The following RIT2 variants were observed in gnomAD, a reference collection of about 807,000 sequenced individuals.
RIT2 encodes GTP-binding protein Rit2.
Under a neutral mutation model 23.7 loss-of-function variants are expected in RIT2, and 24 were observed. That is an observed-to-expected ratio of 1.01 (90% confidence interval 0.73 to 1.43). The LOEUF (loss-of-function observed/expected upper bound fraction) is 1.43, where lower values mean the gene tolerates loss of function less well. Among genes scored for constraint, RIT2 ranks in the 40% most tolerant of loss-of-function variants. RIT2 has a pLI of 0.00. For synonymous variants in RIT2, 107 were observed against 91.1 expected, an observed-to-expected ratio of 1.17 and a Z score of -0.99; for missense variants, 236 against 266.9, an observed-to-expected ratio of 0.88 and a Z score of 0.81.
At chr18:42,788,746 C>T (rs1913976474) in intron 4 of RIT2, among the ~76,000 whole-genome samples, 1 of 152,052 alleles carries the variant, frequency 6.6e-6, no homozygotes, top group Non-Finnish European at 1.5e-5. Context: ...TAATTCATTC[C>T]TTTCTGAGGC....
At chr18:42,910,879 T>C (rs1490613399) in intron 4 of RIT2, among the ~76,000 whole-genome samples, 1 of 152,172 alleles carries the variant, frequency 6.6e-6, no homozygotes, top group Non-Finnish European at 1.5e-5. Context: ...TTCAAAATCC[T>C]ATTTTTAACA....
At chr18:42,996,269 T>G (rs947724493) in intron 2 of RIT2, among the ~76,000 whole-genome samples, 4 of 152,108 alleles carry the variant, frequency 2.6e-5, no homozygotes, top group African/African-American at 9.7e-5. Flanking sequence ...ACGCTGCCCC[T>G]AATCCCGCTC....
At chr18:42,780,417 A>T (rs1343059095) in intron 4 of RIT2, among the ~76,000 whole-genome samples, 2 of 152,056 alleles carry the variant, frequency 1.3e-5, no homozygotes, top group East Asian at 3.9e-4. Context: ...GGCACCTCCA[A>T]GTAGCAGGCT....
intron 1 of RIT2, among the ~76,000 whole-genome samples, chr18:43,076,079 C>CT (rs1324637257): frequency 6.6e-6 from 1 of 152,152 alleles, no homozygotes; most frequent in Non-Finnish European, 1.5e-5. Context: ...AGACAGGTTC[C>CT]TTTTTGTGAT....
intron 4 of RIT2, chr18:42,920,651 C>T (rs1568030450): frequency 1.5e-6 from 2 of 1,343,976 alleles, no homozygotes; most frequent in Non-Finnish European, 2.1e-6. Context: ...AGAAAGGGCC[C>T]TGGGATTTCC....
Position 43,115,655 on chromosome 18 carries a change from G to T in RIT2, c.-136C>A, listed in dbSNP as rs77169968. 0.047 allele frequency: 60,081 copies of T among 1,289,948 alleles called. 1,588 individuals carry two copies. Among genetic ancestry groups the T allele is most frequent in the Non-Finnish European group, 0.053 (52,500 of 982,822 alleles). 79.9% of individuals were successfully genotyped at this position (1,289,948 alleles called of 1,614,324 possible). On this transcript the variant is annotated 5_prime_UTR_variant, in exon 1 of 5. Coordinates refer to ENST00000326695, the MANE Select transcript of RIT2 (RefSeq NM_002930.4). Reference sequence around the variant, plus strand: ...GGTAAGAACCATCAGCGTCGGGCTGGCTGCTGGTCCTCCGCTCGAGCGGGT... The same window carrying T: ...GGTAAGAACCATCAGCGTCGGGCTGTCTGCTGGTCCTCCGCTCGAGCGGGT...
chr18:42,828,003 CAA>C (rs200737336), intron 4 of RIT2, among the ~76,000 whole-genome samples: 2,187 of 51,438 alleles, frequency 0.043, 5 homozygotes, highest in African/African-American at 0.084. Flanking sequence ...GACTCCGTCT[CAA>C]AAAAAAAAAA....
At chr18:42,972,649 C>T (rs1000220959) in intron 3 of RIT2, among the ~76,000 whole-genome samples, 1 of 151,662 alleles carries the variant, frequency 6.6e-6, no homozygotes, top group African/African-American at 2.4e-5. Context: ...TCCCCTTTCT[C>T]CCATAAGAGG....
At chr18:43,057,798 C>CTTTTTTTTTTGTTTTTTTTT (rs1912542314) in intron 1 of RIT2, among the ~76,000 whole-genome samples, 1 of 122,674 alleles carries the variant, frequency 8.2e-6, no homozygotes, top group Non-Finnish European at 1.7e-5. Flanking sequence ...GTGATGGACA[C>CTTTTTTTTTTGTTTTTTTTT]TTTTTTTTTT....
intron 3 of RIT2, among the ~76,000 whole-genome samples, chr18:42,966,291 C>T (rs894702581): frequency 2.6e-5 from 4 of 152,056 alleles, no homozygotes; most frequent in African/African-American, 9.7e-5. Flanking sequence ...GAAGGAAATG[C>T]TTTGAATTAA....
chr18:42,968,593 C>T (rs1029478058), intron 3 of RIT2, among the ~76,000 whole-genome samples: 3 of 152,138 alleles, frequency 2.0e-5, no homozygotes, highest in African/African-American at 7.2e-5. Flanking sequence ...GTTGATTCTC[C>T]TAATGAGAAT....
intron 4 of RIT2, among the ~76,000 whole-genome samples, chr18:42,921,275 A>T (rs1295235982): frequency 6.6e-6 from 1 of 152,180 alleles, no homozygotes; most frequent in Non-Finnish European, 1.5e-5. Flanking sequence ...AGACAGTGGT[A>T]CACAAACATT....
At chr18:42,778,453 T>A (rs1442134793) in intron 4 of RIT2, among the ~76,000 whole-genome samples, 1 of 151,912 alleles carries the variant, frequency 6.6e-6, no homozygotes, top group Non-Finnish European at 1.5e-5. Flanking sequence ...TCTACTGGAC[T>A]TTATAAACAC....
chr18:42,952,832 C>T (rs570402063), intron 3 of RIT2, among the ~76,000 whole-genome samples: 41 of 152,014 alleles, frequency 2.7e-4, no homozygotes, highest in African/African-American at 8.9e-4. Context: ...CTAGAGCTAT[C>T]AGAGTTCCTA....
chr18:43,030,519 T>C (rs1911829053), intron 2 of RIT2, among the ~76,000 whole-genome samples: 1 of 152,046 alleles, frequency 6.6e-6, no homozygotes, highest in African/African-American at 2.4e-5. Flanking sequence ...TTTTTTATGC[T>C]AAAAATAATA....
chr18:43,094,972 T>G (rs1913517087), intron 1 of RIT2, among the ~76,000 whole-genome samples: 1 of 152,122 alleles, frequency 6.6e-6, no homozygotes, highest in Admixed American at 6.6e-5. Flanking sequence ...TGACAGACAT[T>G]TGGGTTGCTT....
At chr18:42,963,494 T>C (rs1910138179) in intron 3 of RIT2, among the ~76,000 whole-genome samples, 1 of 152,130 alleles carries the variant, frequency 6.6e-6, no homozygotes, top group Non-Finnish European at 1.5e-5. Flanking sequence ...AAAAGAACAC[T>C]GAGAAAGTTT....
At chr18:42,931,323 GC>G (rs1330029886) in intron 3 of RIT2, among the ~76,000 whole-genome samples, 2 of 152,104 alleles carry the variant, frequency 1.3e-5, no homozygotes, top group Non-Finnish European at 2.9e-5. Context: ...AATGGATAAA[GC>G]TTTTAGTTAC....
chr18:42,871,412 T>C (rs1205833316), intron 4 of RIT2, among the ~76,000 whole-genome samples: 1 of 152,174 alleles, frequency 6.6e-6, no homozygotes, highest in Admixed American at 6.6e-5. Flanking sequence ...ACATATATTC[T>C]AGCTATTACT....
Sources: allele counts gnomAD v4.1 joint callset (sites outside exome capture counted in the v4.1 genomes callset), GRCh38; gene constraint gnomAD v4.1.1; transcripts MANE v1.5; gene names NCBI Gene and HGNC (gene_info 2026-07-23, HGNC 2026-07-21).